Variants in MORC1 observed in about 807,000 individuals in gnomAD.
MORC1 encodes MORC family CW-type zinc finger protein 1.
In MORC1, 59 loss-of-function variants were observed where a neutral mutation model predicts 134.9. The observed-to-expected ratio is 0.44, with a 90% confidence interval of 0.35 to 0.54. The LOEUF is 0.54. MORC1 is among the 20% of genes least tolerant of loss of function. The probability of loss-of-function intolerance (pLI) is 0.00; values close to 1 mark genes in which losing one functional copy is unlikely to be tolerated. For synonymous variants in MORC1, 395 were observed against 391.7 expected (o/e 1.01, Z -0.10); for missense variants, 947 against 1,134.5 (o/e 0.83, Z 2.37).
rs562110643 is a variant in MORC1, at chr3:109,039,464, A to G, written c.1331-3996T>C. 5.1e-4 allele frequency among the ~76,000 whole-genome samples: 77 copies of G among 152,352 alleles called. No homozygotes were observed. In the South Asian group the frequency reaches 6.4e-3, roughly 13 times the overall value. On this transcript the variant is annotated intron_variant, in intron 14 of 27. Coordinates refer to ENST00000232603, the MANE Select transcript of MORC1 (RefSeq NM_014429.4). ...AAACTTGGAGGATTCTGGGAAGAAG[A>G]TAGAGTAGGAAGCATCAGAAGTCTG...
At chr3:108,961,103 C>A (rs1221954636) in intron 27 of MORC1, among the ~76,000 whole-genome samples, 3 of 152,216 alleles carry the variant, frequency 2.0e-5, no homozygotes, top group Non-Finnish European at 4.4e-5. Context: ...ATGGGATCAA[C>A]TAACTCTCCA....
At chr3:109,083,640 G>A (rs1409026452) in intron 8 of MORC1, among the ~76,000 whole-genome samples, 2 of 152,128 alleles carry the variant, frequency 1.3e-5, no homozygotes. Context: ...GAAGAGGAAG[G>A]AATTCTTTCA....
At chr3:109,114,237 C>T in intron 2 of MORC1, 147 bp downstream of exon 2, 1 of 616,666 alleles carries the variant, frequency 1.6e-6, no homozygotes, top group Non-Finnish European at 2.6e-6. Flanking sequence ...ATCCTTTTTC[C>T]TAGAACACCT....
At chr3:109,001,774 T>C (rs1948410503) in intron 20 of MORC1, among the ~76,000 whole-genome samples, 1 of 152,198 alleles carries the variant, frequency 6.6e-6, no homozygotes, top group African/African-American at 2.4e-5. Context: ...GGTATGTAAA[T>C]ACCTCACAAG....
intron 26 of MORC1, among the ~76,000 whole-genome samples, chr3:108,965,374 G>A (rs886928925): frequency 3.3e-5 from 5 of 152,090 alleles, no homozygotes; most frequent in Admixed American, 1.3e-4. Flanking sequence ...CCGAAGTGAC[G>A]CTGAATAAAT....
At chr3:108,979,813 T>C in intron 23 of MORC1, 146 bp from the exon 24 acceptor site, 2 of 792,226 alleles carry the variant, frequency 2.5e-6, no homozygotes, top group Non-Finnish European at 3.8e-6. Flanking sequence ...CCACTGTAGT[T>C]ACATGAAACA....
chr3:108,975,753 T>C (rs1013642399), intron 24 of MORC1, among the ~76,000 whole-genome samples: 1 of 152,106 alleles, frequency 6.6e-6, no homozygotes. Context: ...ATAACAAATA[T>C]GTATTATTAC....
intron 9 of MORC1, among the ~76,000 whole-genome samples, chr3:109,069,196 T>C (rs1276264298): frequency 1.3e-5 from 2 of 151,904 alleles, no homozygotes; most frequent in Non-Finnish European, 2.9e-5. Context: ...TATGTTAAAG[T>C]AAAAAAACAC....
At chr3:109,097,445 A>AG (rs1950850123) in intron 6 of MORC1, among the ~76,000 whole-genome samples, 1 of 152,214 alleles carries the variant, frequency 6.6e-6, no homozygotes, top group Non-Finnish European at 1.5e-5. Flanking sequence ...ACTGGAGAAC[A>AG]TGCTGTACCA....
chr3:109,031,006 G>C (rs548926161), intron 16 of MORC1, among the ~76,000 whole-genome samples: 5 of 152,280 alleles, frequency 3.3e-5, no homozygotes, highest in Admixed American at 2.6e-4. Flanking sequence ...TTTTTAAAGA[G>C]AGACAGAATT....
intron 24 of MORC1, among the ~76,000 whole-genome samples, 158 bp downstream of exon 24, chr3:108,979,357 A>G (rs570906130): frequency 1.1e-4 from 17 of 152,366 alleles, no homozygotes; most frequent in African/African-American, 4.1e-4. Flanking sequence ...TATTTAACCC[A>G]TAGTATATCT....
At chr3:109,066,183 A>T (rs1405445252) in intron 9 of MORC1, among the ~76,000 whole-genome samples, 2 of 152,186 alleles carry the variant, frequency 1.3e-5, no homozygotes, top group Non-Finnish European at 2.9e-5. Flanking sequence ...TGAAATTTAA[A>T]AAAAAGAATT....
chr3:109,109,764 G>A (rs1253097979), intron 3 of MORC1: 1 of 152,266 alleles, frequency 6.6e-6, no homozygotes, highest in Non-Finnish European at 1.5e-5. Flanking sequence ...TTCCTCCTAG[G>A]AGAGAGCTGC....
At position 109,108,650 on chromosome 3, in the gene MORC1, C is replaced by T. The variant is rs1229759069; in HGVS notation, c.154+2099G>A. Among the ~76,000 whole-genome samples, 3 of 152,250 alleles carry T rather than the reference C, an allele frequency of 2.0e-5. No individual in the cohort carries two copies. In the East Asian group the frequency reaches 5.8e-4, roughly 29 times the overall value. On this transcript the variant is annotated intron_variant, in intron 3 of 27. Coordinates refer to ENST00000232603, the MANE Select transcript of MORC1 (RefSeq NM_014429.4). ...CGGTGGCTCAAGCCTGTAATGCCAG[C>T]ACTTTGCGAGGCCGAGGCGGGCGGA...
chr3:109,108,725 G>T (rs1398774173), intron 3 of MORC1, among the ~76,000 whole-genome samples: 2 of 151,950 alleles, frequency 1.3e-5, no homozygotes, highest in African/African-American at 4.8e-5. Context: ...GTGAAACCCC[G>T]GCTCTACTAA....
chr3:108,964,974 A>C (rs2107362176), intron 26 of MORC1, among the ~76,000 whole-genome samples: 1 of 152,320 alleles, frequency 6.6e-6, no homozygotes, highest in Admixed American at 6.5e-5. Context: ...CTTACAACTA[A>C]GGTAACCACC....
At chr3:109,107,188 T>C (rs890259034) in intron 3 of MORC1, among the ~76,000 whole-genome samples, 1 of 152,226 alleles carries the variant, frequency 6.6e-6, no homozygotes, top group African/African-American at 2.4e-5. Flanking sequence ...ATCAGACTTC[T>C]TTTAGGAAGC....
intron 24 of MORC1, among the ~76,000 whole-genome samples, chr3:108,973,595 G>GTTTTTTTTTTTTTTTTTTTTTTTTT: frequency 1.3e-5 from 1 of 77,910 alleles, no homozygotes; most frequent in Non-Finnish European, 2.5e-5. Flanking sequence ...CTTTGTTTTG[G>GTTTTTTTTTTTTTTTTTTTTTTTTT]TTTTTTTTTT....
intron 24 of MORC1, among the ~76,000 whole-genome samples, chr3:108,974,774 C>T (rs1466681793): frequency 1.3e-5 from 2 of 152,212 alleles, no homozygotes; most frequent in African/African-American, 4.8e-5. Flanking sequence ...TGTCTTTCTT[C>T]TCAAGAATTC....
Sources: allele counts gnomAD v4.1 joint callset (sites outside exome capture counted in the v4.1 genomes callset), GRCh38; gene constraint gnomAD v4.1.1; transcripts MANE v1.5; gene names NCBI Gene and HGNC (gene_info 2026-07-23, HGNC 2026-07-21).